The following LRRIQ1 variants were observed in gnomAD, a reference collection of about 807,000 sequenced individuals.
LRRIQ1 encodes the protein leucine-rich repeat- and IQ domain-containing protein 1.
In LRRIQ1, 210 loss-of-function variants were observed where a neutral mutation model predicts 211.9. The ratio of observed to expected loss-of-function variants is 0.99; its 90% CI spans 0.89 to 1.11. The LOEUF (loss-of-function observed/expected upper bound fraction) is 1.11, where lower values mean the gene tolerates loss of function less well. Among genes scored for constraint, LRRIQ1 ranks in the 50% most tolerant of loss-of-function variants. The pLI is 0.00. For synonymous variants in LRRIQ1, 699 were observed against 650.1 expected, an observed-to-expected ratio of 1.08 and a Z score of -1.14; for missense variants, 2,136 against 1,939.5, an observed-to-expected ratio of 1.10 and a Z score of -1.90.
intron 25 of LRRIQ1, among the ~76,000 whole-genome samples, chr12:85,231,642 G>A (rs558169174): frequency 3.2e-4 from 48 of 152,202 alleles, no homozygotes; most frequent in Non-Finnish European, 2.8e-4. Context: ...AGGTAAATGG[G>A]GAAATAGACA....
At position 85,106,606 on chromosome 12, in the gene LRRIQ1, C is replaced by T; in HGVS notation, c.3368C>T (p.Thr1123Ile). Reference sequence around the variant, plus strand: ...ACTGGAAACCCACTTCTTCAAGAAACAAACTGGAGGTAAAGAGGCATTGTT... The same window carrying T: ...ACTGGAAACCCACTTCTTCAAGAAATAAACTGGAGGTAAAGAGGCATTGTT... The part of the protein sequence containing the change: ...SLTGNPLLQE[T>I]NWRDSLLKVL... The change falls in exon 15 of 27, where the codon ACA becomes ATA. Residue 1123 changes from threonine to isoleucine, a missense_variant. Transcript: ENST00000393217. 1.9e-6 allele frequency: 3 copies of T among 1,608,732 alleles called. No individual in the cohort carries two copies. Among genetic ancestry groups the T allele is most frequent in the South Asian group, 1.1e-5 (1 of 90,858 alleles).
rs541782922 is a variant in LRRIQ1 at position 85,153,705 on chromosome 12, C to A, written c.4584C>A (p.Thr1528=). Residue 1528 remains threonine, a synonymous_variant, in exon 22 of 27, where the codon ACC becomes ACA. Transcript: ENST00000393217. The stretch of plus-strand genomic sequence containing the variant: ...CTTCCTGGACACCTGAATCAAAGAC[C>A]AGTAGAAAGAGTTTGCTAAAATCTG... The part of the protein sequence containing the change: ...KTSSWTPESK[T]SRKSLLKSEK... 8 of 1,582,596 alleles carry A rather than the reference C, an allele frequency of 5.1e-6. No homozygotes were observed. The South Asian group carries it at 8.2e-5, about 16-fold the overall frequency.
intron 24 of LRRIQ1, among the ~76,000 whole-genome samples, chr12:85,210,869 A>T (rs1025992429): frequency 6.6e-6 from 1 of 152,192 alleles, no homozygotes; most frequent in African/African-American, 2.4e-5. Context: ...CACTATAAAG[A>T]TAATGTTTTC....
At chr12:85,257,104 A>T (rs376220732) in intron 1 of LRRIQ1, among the ~76,000 whole-genome samples, 20 of 69,314 alleles carry the variant, frequency 2.9e-4, no homozygotes, top group Non-Finnish European at 4.7e-4. Flanking sequence ...TAATTATATA[A>T]ATATATATAA....
chr12:85,227,577 G>A (rs536341352), intron 24 of LRRIQ1, among the ~76,000 whole-genome samples: 63 of 152,128 alleles, frequency 4.1e-4, no homozygotes, highest in African/African-American at 1.3e-3. Context: ...AATCAGTATC[G>A]TGAAAATGGC....
chr12:85,079,636 A>G (rs1884059083), intron 11 of LRRIQ1, among the ~76,000 whole-genome samples: 1 of 152,174 alleles, frequency 6.6e-6, no homozygotes. Flanking sequence ...ACTGGCTTAC[A>G]AACTCTAGCT....
chr12:85,042,894 A>C (rs1355683907), intron 3 of LRRIQ1, among the ~76,000 whole-genome samples: 1 of 152,114 alleles, frequency 6.6e-6, no homozygotes, highest in Non-Finnish European at 1.5e-5. Flanking sequence ...AGCACAGATA[A>C]AAGAAACTAG....
At chr12:85,201,184 A>T (rs1360773943) in intron 24 of LRRIQ1, among the ~76,000 whole-genome samples, 3 of 149,148 alleles carry the variant, frequency 2.0e-5, no homozygotes, top group African/African-American at 4.9e-5. Context: ...TATTTTGTTG[A>T]GGATTTTTGT....
At chr12:85,269,397 A>G (rs1339772824), downstream of LRRIQ1, among the ~76,000 whole-genome samples, 1 of 152,056 alleles carries the variant, frequency 6.6e-6, no homozygotes, top group Non-Finnish European at 1.5e-5. Flanking sequence ...TAATTCAAAT[A>G]TGAAGCGATA....
chr12:85,167,140 T>G (rs956250080), intron 24 of LRRIQ1, among the ~76,000 whole-genome samples: 3 of 152,224 alleles, frequency 2.0e-5, no homozygotes, highest in Admixed American at 6.5e-5. Context: ...TTGGCTAATT[T>G]GTATTATCTC....
rs534382038 is a variant in LRRIQ1, at chr12:85,250,635, G to A, written c.121+5726G>A. 2.4e-3 allele frequency among the ~76,000 whole-genome samples: 364 copies of A among 149,296 alleles called. 3 individuals are homozygous for A. Among genetic ancestry groups the A allele is most frequent in the African/African-American group, 8.5e-3 (344 of 40,542 alleles). On this transcript the variant is annotated intron_variant, in intron 1 of 1. Coordinates refer to the LRRIQ1 transcript ENST00000602731. ...TGCACCTGTAGTCCCAGCTACTCAG[G>A]AAGCTGAGGTAGGAGGATCTATTGA...
chr12:85,151,658 A>G (rs1177066535), intron 19 of LRRIQ1, among the ~76,000 whole-genome samples: 1 of 151,638 alleles, frequency 6.6e-6, no homozygotes, highest in Non-Finnish European at 1.5e-5. Flanking sequence ...CATAAATTGG[A>G]GAAATATGTC....
intron 24 of LRRIQ1, among the ~76,000 whole-genome samples, chr12:85,211,316 A>G (rs1893824686): frequency 6.6e-6 from 1 of 152,088 alleles, no homozygotes; most frequent in African/African-American, 2.4e-5. Flanking sequence ...CCATCTTTTG[A>G]CTTATTTACT....
intron 24 of LRRIQ1, among the ~76,000 whole-genome samples, chr12:85,214,167 C>G (rs1015255571): frequency 6.6e-6 from 1 of 151,854 alleles, no homozygotes; most frequent in East Asian, 1.9e-4. Context: ...GAAGATACAT[C>G]TAACAAGAGA....
intron 24 of LRRIQ1, among the ~76,000 whole-genome samples, chr12:85,201,707 T>C (rs765366617): frequency 1.3e-5 from 2 of 152,192 alleles, no homozygotes; most frequent in Admixed American, 6.5e-5. Context: ...TAGCTAGTTG[T>C]CTTTCCTATT....
At chr12:85,098,716 T>G in intron 12 of LRRIQ1, 151 bp from the exon 13 acceptor site, 1 of 673,830 alleles carries the variant, frequency 1.5e-6, no homozygotes, top group Non-Finnish European at 2.3e-6. Context: ...TAATAGAAAT[T>G]TTATTCATAT....
At chr12:85,126,206 C>T (rs1035585980) in intron 17 of LRRIQ1, among the ~76,000 whole-genome samples, 4 of 152,210 alleles carry the variant, frequency 2.6e-5, no homozygotes, top group Admixed American at 2.0e-4. Context: ...GAAAATACCC[C>T]TCATCTACCT....
intron 26 of LRRIQ1, among the ~76,000 whole-genome samples, chr12:85,238,507 C>A (rs1895301373): frequency 6.6e-6 from 1 of 151,752 alleles, no homozygotes; most frequent in East Asian, 1.9e-4. Context: ...ATACAGGGGA[C>A]CATTTGTAAG....
intron 15 of LRRIQ1, among the ~76,000 whole-genome samples, chr12:85,119,960 G>A (rs1005271470): frequency 1.6e-4 from 24 of 152,110 alleles, no homozygotes; most frequent in Non-Finnish European, 2.8e-4. Flanking sequence ...CCAGTCTGTG[G>A]CTTGTCTTCT....
Sources: gnomAD v4.1 joint callset for allele counts (sites outside exome capture counted in the v4.1 genomes callset) on GRCh38, gnomAD v4.1.1 for gene constraint, MANE v1.5 for transcripts, NCBI Gene and HGNC (gene_info 2026-07-23, HGNC 2026-07-21) for gene names.